The following PAWR variants were observed in gnomAD, a reference collection of about 807,000 sequenced individuals.
PAWR encodes the protein PRKC apoptosis WT1 regulator protein.
A neutral mutation model predicts 32.0 loss-of-function variants in PAWR; 23 were observed. The ratio of observed to expected loss-of-function variants is 0.72; its 90% CI spans 0.52 to 1.02. PAWR has a LOEUF of 1.02. Among genes scored for constraint, PAWR ranks in the 50% least tolerant of loss-of-function variants. PAWR has a pLI of 0.00. For synonymous variants in PAWR, 226 were observed against 187.1 expected, an observed-to-expected ratio of 1.21 and a Z score of -1.70; for missense variants, 457 against 437.7, an observed-to-expected ratio of 1.04 and a Z score of -0.39.
intron 2 of PAWR, among the ~76,000 whole-genome samples, chr12:79,625,862 T>C (rs1430665443): frequency 6.7e-6 from 1 of 149,444 alleles, no homozygotes; most frequent in African/African-American, 2.5e-5. Context: ...TGGAAGCAGA[T>C]TATACACAAA....
At position 79,633,358 on chromosome 12, in the gene PAWR, G is replaced by A. The variant is rs1008059152; in HGVS notation, c.517-12151C>T. Among the ~76,000 whole-genome samples the A allele has an allele frequency of 2.0e-5, 3 of 151,878 alleles. No homozygotes were observed. The South Asian group carries it at 6.2e-4, about 31-fold the overall frequency. On this transcript the variant is annotated intron_variant, in intron 2 of 6. Transcript: ENST00000328827. Reference sequence around the variant, plus strand: ...AAATGTGAACAGATATTTCACCAAAGAAATGTCAAATAAACACACGAAAAG... The same window carrying A: ...AAATGTGAACAGATATTTCACCAAAAAAATGTCAAATAAACACACGAAAAG...
intron 2 of PAWR, among the ~76,000 whole-genome samples, chr12:79,664,130 T>C (rs1459020357): frequency 3.9e-5 from 6 of 152,200 alleles, no homozygotes. Context: ...TTTATCACTA[T>C]TCATAAAGGA....
chr12:79,607,135 T>C (rs577260740), intron 4 of PAWR, among the ~76,000 whole-genome samples: 8 of 152,012 alleles, frequency 5.3e-5, no homozygotes, highest in Non-Finnish European at 1.2e-4. Context: ...ATAGAAATAA[T>C]AGATCTTGCC....
At chr12:79,632,155 A>C (rs1269283633) in intron 2 of PAWR, 1 of 146,210 alleles carries the variant, frequency 6.8e-6, no homozygotes, top group African/African-American at 2.5e-5. Context: ...AAAAAAATAC[A>C]ACAACAACAA....
At chr12:79,654,952 C>A (rs1877026073) in intron 2 of PAWR, among the ~76,000 whole-genome samples, 1 of 152,154 alleles carries the variant, frequency 6.6e-6, no homozygotes, top group Non-Finnish European at 1.5e-5. Context: ...GGATTGCCAG[C>A]AGTTAAATGC....
intron 2 of PAWR, among the ~76,000 whole-genome samples, chr12:79,659,969 T>C (rs571251087): frequency 6.6e-6 from 1 of 152,292 alleles, no homozygotes; most frequent in East Asian, 1.9e-4. Flanking sequence ...GTAACTATTA[T>C]ACTAGACAAG....
intron 2 of PAWR, among the ~76,000 whole-genome samples, chr12:79,656,257 T>C (rs1436888869): frequency 6.6e-6 from 1 of 152,236 alleles, no homozygotes; most frequent in African/African-American, 2.4e-5. Flanking sequence ...AAACTAGTTC[T>C]AACTGCAGGA....
Position 79,610,098 on chromosome 12 carries a change from T to TG in PAWR, c.683+3476dup, listed in dbSNP as rs139604847. Among the ~76,000 whole-genome samples the TG allele has an allele frequency of 6.5e-3, 987 of 152,266 alleles. 9 individuals are homozygous for TG. The highest frequency in any genetic ancestry group is 0.019 in the African/African-American group (806 of 41,546). On this transcript the variant is annotated intron_variant, in intron 4 of 6. Coordinates refer to ENST00000328827, the MANE Select transcript of PAWR (RefSeq NM_002583.4). ...TTTGCCCCTGCCACACCAAAGTGCC[T>TG]GGCTAGGTCCAGCACCTGTGCACTC...
At chr12:79,633,237 T>C (rs141017180) in intron 2 of PAWR, among the ~76,000 whole-genome samples, 379 of 151,344 alleles carry the variant, frequency 2.5e-3, no homozygotes, top group Non-Finnish European at 4.2e-3. Context: ...TAGAAGAAAA[T>C]ATTTGCAAAA....
intron 2 of PAWR, among the ~76,000 whole-genome samples, chr12:79,675,840 G>A (rs1261051091): frequency 6.6e-6 from 1 of 152,030 alleles, no homozygotes; most frequent in Non-Finnish European, 1.5e-5. Flanking sequence ...ATTTACCCAT[G>A]CAGCAAATCT....
intron 4 of PAWR, among the ~76,000 whole-genome samples, chr12:79,609,619 G>C (rs1874347336): frequency 6.6e-6 from 1 of 152,020 alleles, no homozygotes; most frequent in South Asian, 2.1e-4. Context: ...GTAATGGCTT[G>C]ACAATGCTGC....
chr12:79,642,109 A>AT (rs1252765923), intron 2 of PAWR, among the ~76,000 whole-genome samples: 1 of 152,314 alleles, frequency 6.6e-6, no homozygotes, highest in Non-Finnish European at 1.5e-5. Flanking sequence ...ATACTAGTAT[A>AT]TAAAAAGGGA....
At position 79,586,487 on chromosome 12, in the gene PAWR, T is replaced by C. The variant is rs1373702464; in HGVS notation, c.*6120A>G. 1.3e-5 allele frequency: 2 copies of C among 152,252 alleles called. No individual in the cohort carries two copies. The highest frequency in any genetic ancestry group is 2.1e-4 in the South Asian group (1 of 4,826). The allele number at this position is 152,252 out of a possible 1,614,324, so 9.4% of individuals were successfully genotyped here. ...AGTTCACATTTTAAAGGAATGCAGA[T>C]ATTTGGATAGAAGCCTCTAACAATG... On this transcript the variant is annotated 3_prime_UTR_variant, in exon 7 of 7. Transcript: ENST00000328827.
At chr12:79,649,631 T>A (rs939399885) in intron 2 of PAWR, among the ~76,000 whole-genome samples, 7 of 151,882 alleles carry the variant, frequency 4.6e-5, no homozygotes, top group Non-Finnish European at 7.4e-5. Flanking sequence ...CTATAAAAAA[T>A]TTTTAAAAAT....
chr12:79,630,193 T>C (rs1235421092), intron 2 of PAWR, among the ~76,000 whole-genome samples: 1 of 151,964 alleles, frequency 6.6e-6, no homozygotes, highest in Non-Finnish European at 1.5e-5. Context: ...AGTAAACCTC[T>C]TGGCAGTCTG....
intron 2 of PAWR, among the ~76,000 whole-genome samples, chr12:79,661,623 T>TA (rs897746151): frequency 2.0e-5 from 3 of 152,166 alleles, no homozygotes; most frequent in Non-Finnish European, 4.4e-5. Context: ...ATTTTACACT[T>TA]AAAAAAACTA....
chr12:79,674,848 C>A (rs867536541), intron 2 of PAWR, among the ~76,000 whole-genome samples: 2 of 151,946 alleles, frequency 1.3e-5, no homozygotes, highest in Non-Finnish European at 2.9e-5. Context: ...TAAATTAAAA[C>A]CACAATAAGA....
chr12:79,653,659 AGT>A lies in PAWR; in HGVS notation c.517-32454_517-32453del, dbSNP rs1253803173. Among the ~76,000 whole-genome samples the A allele has an allele frequency of 2.1e-3, 324 of 152,112 alleles. 2 individuals are homozygous for A. The highest frequency in any genetic ancestry group is 7.6e-3 in the African/African-American group (316 of 41,504). ...CACGCCAGGCTAATTTTGTACTTTT[AGT>A]AGAGACGGGGTTTCTCCATGTTGGT... On this transcript the variant is annotated intron_variant, in intron 2 of 6. Coordinates refer to ENST00000328827, the MANE Select transcript of PAWR (RefSeq NM_002583.4).
intron 2 of PAWR, among the ~76,000 whole-genome samples, chr12:79,685,075 A>T (rs768380547): frequency 1.5e-4 from 23 of 152,198 alleles, no homozygotes; most frequent in Non-Finnish European, 2.9e-4. Flanking sequence ...CATAAATGTC[A>T]TCTACTTTAA....
Sources: gnomAD v4.1 joint callset for allele counts (sites outside exome capture counted in the v4.1 genomes callset) on GRCh38, gnomAD v4.1.1 for gene constraint, MANE v1.5 for transcripts, NCBI Gene and HGNC (gene_info 2026-07-23, HGNC 2026-07-21) for gene names.